Variants in CSF1R observed in about 807,000 individuals in gnomAD.
The protein encoded by CSF1R is macrophage colony-stimulating factor 1 receptor.
A neutral mutation model predicts 110.0 loss-of-function variants in CSF1R; 40 were observed. The ratio of observed to expected loss-of-function variants is 0.36; its 90% CI spans 0.28 to 0.47. The LOEUF is 0.47. CSF1R is among the 20% of genes least tolerant of loss of function. CSF1R has a pLI of 0.99. For missense variants in CSF1R, 1,052 were observed against 1,253.0 expected (o/e 0.84, Z 2.42); for synonymous variants, 523 against 503.4 (o/e 1.04, Z -0.52).
At chr5:150,073,200 T>A (rs1231916492) in intron 6 of CSF1R, 101 bp downstream of exon 6, 18 of 1,197,790 alleles carry the variant, frequency 1.5e-5, no homozygotes, top group Non-Finnish European at 2.1e-5. Flanking sequence ...TTGCTCAAGG[T>A]CATACACCAA....
At chr5:150,084,584 C>G (rs1758748349) in intron 1 of CSF1R, among the ~76,000 whole-genome samples, 1 of 151,590 alleles carries the variant, frequency 6.6e-6, no homozygotes, top group Non-Finnish European at 1.5e-5. Flanking sequence ...TCCTGAGTAG[C>G]TGGAACTACA....
At position 150,053,579 on chromosome 5, in the gene CSF1R, G is replaced by C. The variant is rs1299780299; in HGVS notation, c.*490C>G. The C allele has an allele frequency of 8.0e-6, 2 of 249,236 alleles. No individual in the cohort carries two copies. Among genetic ancestry groups the C allele is most frequent in the Non-Finnish European group, 1.6e-5 (2 of 127,796 alleles). 15.4% of individuals were successfully genotyped at this position (249,236 alleles called of 1,614,324 possible). A position where few individuals can be genotyped will look rare whatever the true frequency, so the allele number is the denominator to read the frequency against. ...ACTAAGAGGTCCTGTGAGATTCTTA[G>C]AGGAGCCATCCTGCTCCAAGGGGCC... On this transcript the variant is annotated 3_prime_UTR_variant, in exon 21 of 21. Transcript: ENST00000675795.
intron 9 of CSF1R, 36 bp downstream of exon 9, chr5:150,069,836 GC>G (rs2113807745): frequency 8.8e-7 from 1 of 1,131,772 alleles, no homozygotes. Flanking sequence ...CGGGGGGCGG[GC>G]GGGGGGGCGG....
intron 9 of CSF1R, among the ~76,000 whole-genome samples, chr5:150,068,732 C>T (rs1395163356): frequency 6.6e-6 from 1 of 152,204 alleles, no homozygotes; most frequent in African/African-American, 2.4e-5. Context: ...CACACTGCAA[C>T]CTTCCTCTCC....
rs1038227088 is a variant in CSF1R at position 150,055,912 on chromosome 5, C to T, written c.2554+114G>A. 14 of 928,366 alleles carry T rather than the reference C, an allele frequency of 1.5e-5. No homozygotes were observed. In the African/African-American group the frequency reaches 2.3e-4, roughly 15 times the overall value. The allele number at this position is 928,366 out of a possible 1,614,324, so 57.5% of individuals were successfully genotyped here. A position where few individuals can be genotyped will look rare whatever the true frequency, so the allele number is the denominator to read the frequency against. Reference sequence around the variant, plus strand: ...TGGGTTTCGAGAGCCCTTGCCCATTCCTGCACTCTCACCAACCCTCGCTGT... The same window carrying T: ...TGGGTTTCGAGAGCCCTTGCCCATTTCTGCACTCTCACCAACCCTCGCTGT... On this transcript the variant is annotated intron_variant, in intron 18 of 20. Coordinates refer to ENST00000675795, the MANE Select transcript of CSF1R (RefSeq NM_001288705.3).
At chr5:150,097,466 A>G (rs376873569) in intron 1 of CSF1R, among the ~76,000 whole-genome samples, 13 of 152,202 alleles carry the variant, frequency 8.5e-5, no homozygotes, top group African/African-American at 2.6e-4. Flanking sequence ...GTGAAAGAAA[A>G]AGAGTTCAAA....
rs1757050261 is a variant in CSF1R, at chr5:150,053,968, A to G, written c.*101T>C. 9 of 1,239,202 alleles carry G rather than the reference A, an allele frequency of 7.3e-6. No homozygotes were observed. The Middle Eastern group carries it at 1.2e-3, about 160-fold the overall frequency. 76.8% of individuals were successfully genotyped at this position (1,239,202 alleles called of 1,614,324 possible). Reference sequence around the variant, plus strand: ...GAGCTGGGCCGAGCTGTTGAGTGAAATGACCGAAGGCAGAGTTTGTATGTT... The same window carrying G: ...GAGCTGGGCCGAGCTGTTGAGTGAAGTGACCGAAGGCAGAGTTTGTATGTT... On this transcript the variant is annotated 3_prime_UTR_variant, in exon 21 of 21. Coordinates refer to ENST00000675795, the MANE Select transcript of CSF1R (RefSeq NM_001288705.3).
chr5:150,081,068 G>T, intron 1 of CSF1R, 44 bp from the exon 2 acceptor site: 1 of 1,605,610 alleles, frequency 6.2e-7, no homozygotes. Context: ...GGTCTAGGAT[G>T]CGCCCCTTGG....
chr5:150,084,374 AGAAAGAAAGAAAGAAAGAAG>A (rs1561945684), intron 1 of CSF1R, among the ~76,000 whole-genome samples: 3 of 46,364 alleles, frequency 6.5e-5, no homozygotes, highest in East Asian at 4.4e-4. Context: ...AAAGAAAGAA[AGAAAGAAAGAAAGAAAGAAG>A]GAAGGAAGGA....
chr5:150,079,261 C>A (rs1457808475), intron 3 of CSF1R, among the ~76,000 whole-genome samples: 2 of 152,202 alleles, frequency 1.3e-5, no homozygotes, highest in East Asian at 3.9e-4. Flanking sequence ...GTCCTTTGAC[C>A]CCCTGGGCAG....
intron 10 of CSF1R, among the ~76,000 whole-genome samples, chr5:150,065,999 T>A (rs887831479): frequency 4.1e-4 from 63 of 152,324 alleles, no homozygotes; most frequent in African/African-American, 1.4e-3. Flanking sequence ...AAGGAAGAAC[T>A]TTGCAAACAT....
intron 12 of CSF1R, 31 bp downstream of exon 12, chr5:150,061,460 A>ATCCCT: frequency 3.3e-6 from 1 of 299,590 alleles, no homozygotes; most frequent in African/African-American, 7.3e-5. Flanking sequence ...ACCACCCCCC[A>ATCCCT]TCCCTTCCCT....
intron 13 of CSF1R, among the ~76,000 whole-genome samples, 155 bp from the exon 14 acceptor site, chr5:150,060,017 A>T (rs1467204164): frequency 6.6e-6 from 1 of 152,148 alleles, no homozygotes; most frequent in Non-Finnish European, 1.5e-5. Context: ...GTGCCTCAGT[A>T]GTTCCATTTG....
In CSF1R at chr5:150,054,327, C is replaced by T. The variant is rs200925061; in HGVS notation, c.2758G>A (p.Glu920Lys). 26 of 1,614,066 alleles carry T rather than the reference C, an allele frequency of 1.6e-5. No homozygotes were observed. In the African/African-American group the frequency reaches 3.5e-4, roughly 22 times the overall value. ...LQEQAQEDRR[E>K]RDYTNLPSSS... ...CCAAGCCTCACCCCACTCACCCGCT[C>T]TCTCCTGTCCTCTTGGGCCTGCTCC... The change falls in exon 20 of 21, where the codon GAG (glutamate) becomes AAG (lysine). Residue 920 changes from glutamate to lysine, a missense_variant. Glu to Lys is a moderately conservative substitution (Grantham distance 56). Transcript: ENST00000675795.
rs1279164485 is a variant in CSF1R at position 150,068,167 on chromosome 5, A to C, written c.1626+48T>G. 3 of 1,478,644 alleles carry C rather than the reference A, an allele frequency of 2.0e-6. No homozygotes were observed. In the South Asian group the frequency reaches 3.5e-5, roughly 17 times the overall value. The allele number at this position is 1,478,644 out of a possible 1,614,324, so 91.6% of individuals were successfully genotyped here. ...CCATGCAGCCTGGGGGTACCATCCA[A>C]ATCTGGCTCACTCAGGCACCTGGCA... On this transcript the variant is annotated intron_variant, in intron 10 of 20. Transcript: ENST00000675795.
rs748641028 is a variant in CSF1R, at chr5:150,059,759, C to T, written c.2073G>A (p.Gln691=). The T allele has an allele frequency of 6.2e-7, 1 of 1,614,146 alleles. No homozygotes were observed. The highest frequency in any genetic ancestry group is 8.5e-7 in the Non-Finnish European group (1 of 1,180,024). The change falls in exon 14 of 21, where the codon CAG becomes CAA. Residue 691 remains glutamine (Q), a synonymous_variant. Coordinates refer to ENST00000675795, the MANE Select transcript of CSF1R (RefSeq NM_001288705.3). ...AMLGPSLSPG[Q]DPEGGVDYKN... is the part of the protein sequence containing the mutation. ...TATAGTCGACGCCTCCCTCGGGGTCCTGGCCGGGGCTCAGGCTGGGTCCCA... is the reference window on the plus strand; with the variant it reads ...TATAGTCGACGCCTCCCTCGGGGTCTTGGCCGGGGCTCAGGCTGGGTCCCA...
chr5:150,084,294 G>T (rs559002159), intron 1 of CSF1R, among the ~76,000 whole-genome samples: 1 of 149,914 alleles, frequency 6.7e-6, no homozygotes, highest in Non-Finnish European at 1.5e-5. Context: ...CCATGCCATT[G>T]CACTCCAGCC....
chr5:150,091,028 A>G (rs1165533109), upstream of CSF1R, among the ~76,000 whole-genome samples: 1 of 152,226 alleles, frequency 6.6e-6, no homozygotes, highest in Non-Finnish European at 1.5e-5. Flanking sequence ...TCCAGAGCAC[A>G]TGAAAAAATA....
chr5:150,093,213 G>A (rs957381498), intron 1 of CSF1R, among the ~76,000 whole-genome samples: 5 of 152,054 alleles, frequency 3.3e-5, no homozygotes, highest in African/African-American at 1.2e-4. Flanking sequence ...CAAGTAGCTG[G>A]GATTACAGAC....
Sources: gnomAD v4.1 joint callset for allele counts (sites outside exome capture counted in the v4.1 genomes callset) on GRCh38, gnomAD v4.1.1 for gene constraint, MANE v1.5 for transcripts, NCBI Gene and HGNC (gene_info 2026-07-23, HGNC 2026-07-21) for gene names.